Variants in CPQ observed in about 807,000 individuals in gnomAD.
The protein encoded by CPQ is Ser-Met dipeptidase.
CPQ carries 37 observed loss-of-function variants against 45.7 expected under a neutral mutation model. That is an observed-to-expected ratio of 0.81 (90% CI 0.62 to 1.07). The LOEUF is 1.07. Among genes scored for constraint, CPQ ranks in the 50% least tolerant of loss-of-function variants. The pLI is 0.00. For synonymous variants in CPQ, 186 were observed against 205.8 expected (o/e 0.90, Z 0.82); for missense variants, 537 against 572.9 (o/e 0.94, Z 0.64).
At chr8:97,057,041 T>C (rs923776438) in intron 6 of CPQ, among the ~76,000 whole-genome samples, 33 of 152,108 alleles carry the variant, frequency 2.2e-4, no homozygotes, top group African/African-American at 7.7e-4. Flanking sequence ...TCTTCATATA[T>C]AGATACCCTC....
chr8:96,890,847 G>A (rs1207302395), intron 4 of CPQ, among the ~76,000 whole-genome samples: 2 of 152,196 alleles, frequency 1.3e-5, no homozygotes, highest in African/African-American at 4.8e-5. Context: ...CACTAGGGGT[G>A]ATGGTGAGTG....
At chr8:96,880,222 A>T (rs567331653) in intron 4 of CPQ, among the ~76,000 whole-genome samples, 2 of 152,052 alleles carry the variant, frequency 1.3e-5, no homozygotes, top group Non-Finnish European at 2.9e-5. Flanking sequence ...TCAAAGAATA[A>T]TAGATGTTGG....
At chr8:96,683,366 CT>C (rs1182144135) in intron 1 of CPQ, among the ~76,000 whole-genome samples, 1 of 152,032 alleles carries the variant, frequency 6.6e-6, no homozygotes, top group Non-Finnish European at 1.5e-5. Context: ...TAATTTTTTG[CT>C]GAGAAATTTA....
intron 5 of CPQ, among the ~76,000 whole-genome samples, chr8:97,003,899 A>G (rs1809332263): frequency 6.6e-6 from 1 of 152,200 alleles, no homozygotes; most frequent in South Asian, 2.1e-4. Flanking sequence ...CTAGGATATA[A>G]GCACCTGTCT....
chr8:97,003,878 A>G (rs1167592764), intron 5 of CPQ, among the ~76,000 whole-genome samples: 1 of 152,176 alleles, frequency 6.6e-6, no homozygotes, highest in Non-Finnish European at 1.5e-5. Context: ...GACTATCATT[A>G]TCACTGACAT....
chr8:96,753,719 C>G (rs574924690), intron 1 of CPQ, among the ~76,000 whole-genome samples: 2 of 151,796 alleles, frequency 1.3e-5, no homozygotes, highest in Admixed American at 1.3e-4. Context: ...GCAATCATAC[C>G]TTCTGCAAAT....
At chr8:96,862,885 T>C (rs998395446) in intron 3 of CPQ, among the ~76,000 whole-genome samples, 3 of 152,076 alleles carry the variant, frequency 2.0e-5, no homozygotes, top group Non-Finnish European at 4.4e-5. Context: ...ATCCTGCTTC[T>C]TAGATTACCT....
chr8:97,141,382 T>G (rs1812160420), intron 7 of CPQ, among the ~76,000 whole-genome samples: 2 of 151,892 alleles, frequency 1.3e-5, no homozygotes, highest in Non-Finnish European at 1.5e-5. Flanking sequence ...GAACAAGAAC[T>G]TCACAAAAGA....
intron 7 of CPQ, among the ~76,000 whole-genome samples, chr8:97,093,931 C>T (rs1443456704): frequency 1.3e-5 from 2 of 152,138 alleles, no homozygotes; most frequent in Non-Finnish European, 2.9e-5. Flanking sequence ...CCTAAATTCA[C>T]TGAATTAGTA....
intron 1 of CPQ, among the ~76,000 whole-genome samples, chr8:96,647,182 A>T (rs1293002846): frequency 1.3e-5 from 2 of 152,210 alleles, no homozygotes; most frequent in African/African-American, 2.4e-5. Flanking sequence ...ATATTTTTGC[A>T]TGCTACATTT....
intron 1 of CPQ, among the ~76,000 whole-genome samples, chr8:96,670,385 T>C (rs887080699): frequency 5.3e-5 from 8 of 151,754 alleles, no homozygotes; most frequent in African/African-American, 1.9e-4. Context: ...AATGCAAGTA[T>C]GATTTTGGGG....
At chr8:97,130,429 T>G (rs938277469) in intron 7 of CPQ, among the ~76,000 whole-genome samples, 4 of 151,374 alleles carry the variant, frequency 2.6e-5, no homozygotes, top group Non-Finnish European at 3.0e-5. Flanking sequence ...TGTTTTTTTT[T>G]TTTTTTTTTT....
At chr8:96,921,498 C>A (rs891844827) in intron 4 of CPQ, among the ~76,000 whole-genome samples, 17 of 152,162 alleles carry the variant, frequency 1.1e-4, no homozygotes, top group African/African-American at 4.1e-4. Flanking sequence ...TGTGGTTAGA[C>A]CACCTTTTAG....
chr8:96,926,540 T>TTCTTCCTCTTCCTCTTCC lies in CPQ; in HGVS notation c.850-39371_850-39354dup, dbSNP rs760348999. 5.5e-4 allele frequency among the ~76,000 whole-genome samples: 70 copies of TTCTTCCTCTTCCTCTTCC among 127,518 alleles called. 3 individuals are homozygous for TTCTTCCTCTTCCTCTTCC. The highest frequency in any genetic ancestry group is 8.1e-4 in the African/African-American group (25 of 30,778). 83.7% of individuals were successfully genotyped at this position (127,518 alleles called of 152,430 possible). On this transcript the variant is annotated intron_variant, in intron 4 of 7. Coordinates refer to ENST00000220763, the MANE Select transcript of CPQ (RefSeq NM_016134.4). ...CAGTCCTCCTTTCTTCTTTTTCTTC[T>TTCTTCCTCTTCCTCTTCC]TCTTCCTCTTCCTCTTCCTCTTCCT...
chr8:96,700,038 G>C (rs1254124597), intron 1 of CPQ, among the ~76,000 whole-genome samples: 1 of 152,210 alleles, frequency 6.6e-6, no homozygotes, highest in Non-Finnish European at 1.5e-5. Context: ...GAGCCTGGGA[G>C]TGTCAACAGG....
At position 96,785,086 on chromosome 8, in the gene CPQ, C is replaced by T; in HGVS notation, c.189C>T (p.Ser63=). ...LAVYGKAQNR[S]YERLALLVDT... is the part of the protein sequence containing the mutation. ...TTTATGGTAAAGCCCAGAACAGATC[C>T]TATGAGCGATTGGCACTTCTGGTTG... is the stretch of plus-strand genomic sequence containing the variant. Residue 63 remains serine, a synonymous_variant, in exon 2 of 8, where the codon TCC becomes TCT. Coordinates refer to ENST00000220763, the MANE Select transcript of CPQ (RefSeq NM_016134.4). 6.2e-7 allele frequency: 1 copy of T among 1,613,784 alleles called. No homozygotes were observed. Among genetic ancestry groups the T allele is most frequent in the Non-Finnish European group, 8.5e-7 (1 of 1,179,840 alleles).
intron 1 of CPQ, among the ~76,000 whole-genome samples, chr8:96,736,331 A>G (rs1400946182): frequency 6.6e-6 from 1 of 152,172 alleles, no homozygotes; most frequent in African/African-American, 2.4e-5. Context: ...TTTGAATGTT[A>G]TATAGTTCCT....
intron 5 of CPQ, among the ~76,000 whole-genome samples, chr8:97,001,292 G>A (rs1050559537): frequency 4.6e-5 from 7 of 152,146 alleles, no homozygotes; most frequent in Non-Finnish European, 1.0e-4. Flanking sequence ...TAGGAGTGGT[G>A]AGAGAGGGAA....
rs1809724755 is a variant in CPQ at position 97,023,004 on chromosome 8, A to AG, written c.962-6399_962-6398insG. Among the ~76,000 whole-genome samples, 5 of 147,484 alleles carry AG rather than the reference A, an allele frequency of 3.4e-5. No homozygotes were observed. In the East Asian group the frequency reaches 7.8e-4, roughly 23 times the overall value. ...TATATAGTATATATATACAGTATAT[A>AG]TATACTATATATAGTATATATATAC... On this transcript the variant is annotated intron_variant, in intron 5 of 7. Transcript: ENST00000220763.
Sources: allele counts gnomAD v4.1 joint callset (sites outside exome capture counted in the v4.1 genomes callset), GRCh38; gene constraint gnomAD v4.1.1; transcripts MANE v1.5; gene names NCBI Gene and HGNC (gene_info 2026-07-23, HGNC 2026-07-21).